The following KCNH8 variants were observed in gnomAD, a reference collection of about 807,000 sequenced individuals.
KCNH8 encodes the protein voltage-gated delayed rectifier potassium channel KCNH8.
Under a neutral mutation model 103.6 loss-of-function variants are expected in KCNH8, and 70 were observed. The observed-to-expected ratio is 0.68, with a 90% CI of 0.56 to 0.82. The LOEUF is 0.82. Among genes scored for constraint, KCNH8 ranks in the 40% least tolerant of loss-of-function variants. The pLI is 0.00. For missense variants in KCNH8, 1,217 were observed against 1,329.9 expected, an observed-to-expected ratio of 0.92 and a Z score of 1.32; for synonymous variants, 498 against 489.4, an observed-to-expected ratio of 1.02 and a Z score of -0.23.
intron 1 of KCNH8, among the ~76,000 whole-genome samples, chr3:19,216,492 C>T (rs2063819407): frequency 6.6e-6 from 1 of 152,174 alleles, no homozygotes. Flanking sequence ...TAATAGATCT[C>T]CAGTATCATG....
intron 11 of KCNH8, among the ~76,000 whole-genome samples, chr3:19,509,520 A>G (rs979887008): frequency 1.3e-5 from 2 of 152,200 alleles, no homozygotes; most frequent in Non-Finnish European, 2.9e-5. Flanking sequence ...GCTTCTTTAT[A>G]ATCATGGTAG....
intron 2 of KCNH8, among the ~76,000 whole-genome samples, chr3:19,260,487 G>GATATATATATATATAT (rs57661437): frequency 7.5e-5 from 3 of 40,038 alleles, no homozygotes; most frequent in Non-Finnish European, 1.7e-4. Context: ...TACTCTATAG[G>GATATATATATATATAT]ATATATATAT....
chr3:19,230,648 CA>C (rs1391733423), intron 1 of KCNH8, among the ~76,000 whole-genome samples: 1 of 152,096 alleles, frequency 6.6e-6, no homozygotes, highest in Admixed American at 6.6e-5. Context: ...TACATTAAAA[CA>C]AAATCAGTTA....
chr3:19,377,758 G>C (rs990521439), intron 5 of KCNH8, among the ~76,000 whole-genome samples: 5 of 152,162 alleles, frequency 3.3e-5, no homozygotes, highest in African/African-American at 1.2e-4. Context: ...CTGTGTGAAT[G>C]CCTTGTTCAT....
chr3:19,529,856 C>T lies in KCNH8; in HGVS notation c.2620-3539C>T, dbSNP rs981562939. 6.6e-5 allele frequency among the ~76,000 whole-genome samples: 10 copies of T among 152,200 alleles called. 1 individual carries two copies. The highest frequency in any genetic ancestry group is 2.2e-4 in the African/African-American group (9 of 41,448). On this transcript the variant is annotated intron_variant, in intron 15 of 15. Coordinates refer to ENST00000328405, the MANE Select transcript of KCNH8 (RefSeq NM_144633.3). Reference sequence around the variant, plus strand: ...ACACAGTGACAGGAATCTTCCCTAACATAAATTGATTATTTCCCTCTAGAG... The same window carrying T: ...ACACAGTGACAGGAATCTTCCCTAATATAAATTGATTATTTCCCTCTAGAG...
At chr3:19,286,933 A>C (rs1374057316) in intron 3 of KCNH8, among the ~76,000 whole-genome samples, 3 of 152,206 alleles carry the variant, frequency 2.0e-5, no homozygotes, top group Non-Finnish European at 4.4e-5. Context: ...TCCAGATGGT[A>C]AATGCAGAAG....
Position 19,485,014 on chromosome 3 carries a change from A to T in KCNH8, c.2041-25349A>T, listed in dbSNP as rs189242015. On this transcript the variant is annotated intron_variant, in intron 11 of 15. Transcript: ENST00000328405. ...ATCTATTTTAATCCTGTTTTCTGAC[A>T]TACTTTTTTAAAACTATTTTTGATA... Among the ~76,000 whole-genome samples the T allele has an allele frequency of 2.4e-3, 372 of 152,304 alleles. 3 individuals carry two copies. The highest frequency in any genetic ancestry group is 7.9e-3 in the African/African-American group (330 of 41,560).
chr3:19,305,674 CAT>C (rs2065120872), intron 3 of KCNH8, among the ~76,000 whole-genome samples: 3 of 151,968 alleles, frequency 2.0e-5, no homozygotes, highest in Admixed American at 1.3e-4. Context: ...TAGCAATAAA[CAT>C]ATAGAAAACA....
intron 5 of KCNH8, among the ~76,000 whole-genome samples, chr3:19,349,030 G>A (rs2065764555): frequency 6.6e-6 from 1 of 151,788 alleles, no homozygotes; most frequent in Non-Finnish European, 1.5e-5. Context: ...GCTTGGCATC[G>A]TTATTAACAT....
intron 1 of KCNH8, among the ~76,000 whole-genome samples, chr3:19,192,217 C>G (rs748417515): frequency 1.3e-5 from 2 of 151,554 alleles, no homozygotes; most frequent in African/African-American, 2.4e-5. Flanking sequence ...AAATGTGTTA[C>G]CTAGGATTTT....
At chr3:19,432,371 G>A (rs1308365974) in intron 7 of KCNH8, among the ~76,000 whole-genome samples, 2 of 152,120 alleles carry the variant, frequency 1.3e-5, no homozygotes, top group South Asian at 2.1e-4. Context: ...AATTTGAGAC[G>A]AGACCTGTCA....
rs1028981028 is a variant in KCNH8 at position 19,374,541 on chromosome 3, G to A, written c.812-15940G>A. 1.3e-4 allele frequency among the ~76,000 whole-genome samples: 20 copies of A among 152,282 alleles called. No individual in the cohort carries two copies. The South Asian group carries it at 3.5e-3, about 27-fold the overall frequency. ...TTTCCTGAATACAGCACACTGATGG[G>A]TGTTGACTCTTTATCCAGTTTGCCA... On this transcript the variant is annotated intron_variant, in intron 5 of 15. Transcript: ENST00000328405.
At chr3:19,242,135 A>G (rs1279892406) in intron 1 of KCNH8, among the ~76,000 whole-genome samples, 1 of 152,196 alleles carries the variant, frequency 6.6e-6, no homozygotes, top group Non-Finnish European at 1.5e-5. Flanking sequence ...CAGGCCATGA[A>G]AGAGGTAGTT....
intron 1 of KCNH8, among the ~76,000 whole-genome samples, chr3:19,203,908 A>C (rs562441915): frequency 2.2e-4 from 33 of 152,224 alleles, no homozygotes; most frequent in African/African-American, 7.0e-4. Context: ...TGTTCAGATA[A>C]GATTTAAGAA....
chr3:19,363,858 A>C (rs976255926), intron 5 of KCNH8, among the ~76,000 whole-genome samples: 3 of 152,146 alleles, frequency 2.0e-5, no homozygotes, highest in African/African-American at 7.2e-5. Context: ...GAAAACTGCA[A>C]AGATGTCATT....
intron 10 of KCNH8, among the ~76,000 whole-genome samples, chr3:19,452,164 G>A (rs1359334843): frequency 3.9e-5 from 6 of 152,040 alleles, no homozygotes; most frequent in Admixed American, 3.3e-4. Context: ...CAGGTGGATT[G>A]CTTGAGCCCA....
intron 1 of KCNH8, among the ~76,000 whole-genome samples, chr3:19,237,443 G>T (rs1386123837): frequency 1.3e-5 from 2 of 152,212 alleles, no homozygotes; most frequent in Non-Finnish European, 2.9e-5. Flanking sequence ...CCTGGTGGTT[G>T]TTCTCCAAAA....
chr3:19,407,999 C>G (rs1156721798), intron 7 of KCNH8, among the ~76,000 whole-genome samples: 1 of 152,094 alleles, frequency 6.6e-6, no homozygotes, highest in Non-Finnish European at 1.5e-5. Context: ...CCAGCCCTAC[C>G]CTTCATGGCT....
At chr3:19,234,296 C>T (rs1355693321) in intron 1 of KCNH8, among the ~76,000 whole-genome samples, 2 of 152,188 alleles carry the variant, frequency 1.3e-5, no homozygotes. Flanking sequence ...ACTCCTCAGG[C>T]CTTGGGTGGT....
Sources: allele counts gnomAD v4.1 joint callset (sites outside exome capture counted in the v4.1 genomes callset), GRCh38; gene constraint gnomAD v4.1.1; transcripts MANE v1.5; gene names NCBI Gene and HGNC (gene_info 2026-07-23, HGNC 2026-07-21).